Variants in UNC13C observed in about 807,000 individuals in gnomAD.
UNC13C encodes the protein protein unc-13 homolog C.
UNC13C carries 174 observed loss-of-function variants against 245.4 expected under a neutral mutation model. The ratio of observed to expected loss-of-function variants is 0.71; its 90% CI spans 0.63 to 0.80. The LOEUF (loss-of-function observed/expected upper bound fraction) is 0.80, where lower values mean the gene tolerates loss of function less well. Ranked by LOEUF, UNC13C falls within the 30% of genes least tolerant of loss-of-function variation. The pLI is 0.00. For synonymous variants in UNC13C, 992 were observed against 895.1 expected, an observed-to-expected ratio of 1.11 and a Z score of -1.93; for missense variants, 2,829 against 2,602.9, an observed-to-expected ratio of 1.09 and a Z score of -1.89.
chr15:53,932,314 AAACAAC>A, the UNC13C span, among the ~76,000 whole-genome samples: 19 of 89,238 alleles, frequency 2.1e-4, no homozygotes, highest in African/African-American at 7.1e-4. Flanking sequence ...TCAAAAATCA[AAACAAC>A]AACAACAACA....
At chr15:54,391,665 T>G (rs1363405222) in intron 17 of UNC13C, among the ~76,000 whole-genome samples, 2 of 152,136 alleles carry the variant, frequency 1.3e-5, no homozygotes, top group Non-Finnish European at 2.9e-5. Flanking sequence ...CTAATTTTTT[T>G]TTACCATTTT....
the UNC13C span, among the ~76,000 whole-genome samples, chr15:53,925,372 C>G: frequency 6.6e-6 from 1 of 152,132 alleles, no homozygotes; most frequent in African/African-American, 2.4e-5. Context: ...AGATTTCAAA[C>G]CCCAAAGGGT....
chr15:54,490,018 C>T (rs550810668), intron 19 of UNC13C, among the ~76,000 whole-genome samples: 1 of 152,090 alleles, frequency 6.6e-6, no homozygotes, highest in Non-Finnish European at 1.5e-5. Context: ...ACTGAGCTCC[C>T]CTGTTTCTGT....
At chr15:53,997,958 A>AT (rs1894710734) in intron 1 of UNC13C, among the ~76,000 whole-genome samples, 1 of 151,940 alleles carries the variant, frequency 6.6e-6, no homozygotes, top group East Asian at 1.9e-4. Flanking sequence ...GTGCGCCACC[A>AT]TGACCAGCTA....
intron 4 of UNC13C, among the ~76,000 whole-genome samples, chr15:54,174,088 A>G (rs1232452996): frequency 6.6e-6 from 1 of 152,098 alleles, no homozygotes; most frequent in Non-Finnish European, 1.5e-5. Context: ...TGAATTTGCT[A>G]AATGCAACTT....
chr15:54,372,057 T>C (rs956823303), intron 17 of UNC13C, among the ~76,000 whole-genome samples: 1 of 152,076 alleles, frequency 6.6e-6, no homozygotes, highest in African/African-American at 2.4e-5. Context: ...TAACAATATA[T>C]TGTATATTTA....
intron 13 of UNC13C, among the ~76,000 whole-genome samples, chr15:54,307,916 G>A (rs947356373): frequency 5.3e-5 from 8 of 151,924 alleles, no homozygotes; most frequent in Non-Finnish European, 1.2e-4. Flanking sequence ...TGATAAGTTA[G>A]AATGCTGAGC....
chr15:54,162,598 G>C (rs2033018802), intron 4 of UNC13C, among the ~76,000 whole-genome samples: 1 of 152,164 alleles, frequency 6.6e-6, no homozygotes, highest in Middle Eastern at 3.4e-3. Flanking sequence ...AGCCTATTAT[G>C]TCCTCTATCC....
intron 18 of UNC13C, among the ~76,000 whole-genome samples, chr15:54,410,115 C>T (rs7169018): frequency 0.55 from 82,957 of 151,996 alleles, 22,860 homozygotes; most frequent in East Asian, 0.75. Context: ...TCTGCATTTC[C>T]GTAATGATTA....
chr15:54,299,066 A>G (rs2037508313), intron 12 of UNC13C, among the ~76,000 whole-genome samples: 1 of 152,076 alleles, frequency 6.6e-6, no homozygotes. Context: ...TTCCCTCAAG[A>G]GAGATGGTTC....
intron 2 of UNC13C, among the ~76,000 whole-genome samples, chr15:54,081,655 T>C (rs774524354): frequency 1.3e-5 from 2 of 152,106 alleles, no homozygotes; most frequent in Non-Finnish European, 2.9e-5. Context: ...TCTTTCTTCA[T>C]CTCTTTACTT....
At chr15:54,254,858 C>T (rs1207726916) in intron 8 of UNC13C, among the ~76,000 whole-genome samples, 1 of 152,138 alleles carries the variant, frequency 6.6e-6, no homozygotes, top group African/African-American at 2.4e-5. Context: ...ATAGGGTACC[C>T]CTGAATTTGA....
At chr15:54,311,099 T>G (rs954974290) in intron 13 of UNC13C, among the ~76,000 whole-genome samples, 59 of 151,830 alleles carry the variant, frequency 3.9e-4, no homozygotes, top group African/African-American at 1.2e-3. Flanking sequence ...GGATAGGTAT[T>G]TTTACCAAAC....
At chr15:54,409,414 C>G (rs1436366365) in intron 18 of UNC13C, among the ~76,000 whole-genome samples, 3 of 151,898 alleles carry the variant, frequency 2.0e-5, no homozygotes, top group Admixed American at 1.3e-4. Flanking sequence ...GGTACATAGG[C>G]AGGTTTGTTA....
chr15:53,934,153 C>G, the UNC13C span, among the ~76,000 whole-genome samples: 3 of 152,224 alleles, frequency 2.0e-5, no homozygotes, highest in East Asian at 1.9e-4. Flanking sequence ...CAAGATCTCA[C>G]TTGCTATTGA....
At chr15:54,041,957 T>A (rs1313818056) in intron 2 of UNC13C, among the ~76,000 whole-genome samples, 1 of 152,206 alleles carries the variant, frequency 6.6e-6, no homozygotes, top group East Asian at 1.9e-4. Context: ...CACAATCCGA[T>A]CGAGTACATC....
At chr15:54,173,363 T>A (rs1055969215) in intron 4 of UNC13C, among the ~76,000 whole-genome samples, 1 of 152,088 alleles carries the variant, frequency 6.6e-6, no homozygotes, top group Non-Finnish European at 1.5e-5. Context: ...ATGTAATGTG[T>A]CTCCATTTAT....
chr15:54,631,732 G>C (rs1901460660), downstream of UNC13C: 1 of 152,070 alleles, frequency 6.6e-6, no homozygotes, highest in South Asian at 2.1e-4. Flanking sequence ...ACATTAAAAA[G>C]ATTTCATTCA....
intron 17 of UNC13C, among the ~76,000 whole-genome samples, chr15:54,357,807 C>T (rs987301365): frequency 6.6e-6 from 1 of 151,806 alleles, no homozygotes; most frequent in African/African-American, 2.4e-5. Context: ...GTAGGACTTA[C>T]AAAACACATT....
Sources: gnomAD v4.1 joint callset for allele counts (sites outside exome capture counted in the v4.1 genomes callset) on GRCh38, gnomAD v4.1.1 for gene constraint, MANE v1.5 for transcripts, NCBI Gene and HGNC (gene_info 2026-07-23, HGNC 2026-07-21) for gene names.